The following RYR2 variants were observed in gnomAD, a reference collection of about 807,000 sequenced individuals.
RYR2 encodes cardiac muscle ryanodine receptor-calcium release channel.
Under a neutral mutation model 601.1 loss-of-function variants are expected in RYR2, and 227 were observed. The ratio of observed to expected loss-of-function variants is 0.38; its 90% CI spans 0.34 to 0.42. The LOEUF (loss-of-function observed/expected upper bound fraction) is 0.42, where lower values mean the gene tolerates loss of function less well. Ranked by LOEUF, RYR2 falls within the 10% of genes least tolerant of loss-of-function variation. RYR2 has a pLI of 1.00. For synonymous variants in RYR2, 2,223 were observed against 2,175.1 expected, an observed-to-expected ratio of 1.02 and a Z score of -0.61; for missense variants, 4,646 against 6,156.5, an observed-to-expected ratio of 0.75 and a Z score of 8.21.
At chr1:237,477,435 C>T (rs1404357292) in intron 17 of RYR2, among the ~76,000 whole-genome samples, 3 of 142,710 alleles carry the variant, frequency 2.1e-5, no homozygotes, top group Non-Finnish European at 4.4e-5. Flanking sequence ...ATGTGATTTG[C>T]ACTGCACATC....
intron 29 of RYR2, among the ~76,000 whole-genome samples, chr1:237,584,494 G>C (rs963942817): frequency 6.6e-6 from 1 of 152,050 alleles, no homozygotes; most frequent in East Asian, 1.9e-4. Flanking sequence ...TTTGTTCACA[G>C]CTATATTCCC....
rs2148089177 is a variant in RYR2 at position 237,548,427 on chromosome 1, G to A, written c.2907-4G>A. ...ACACAAATTTCTTTGTCTCTGATTT[G>A]TAGTTACCAGCTGACAAGTGGATAC... On this transcript the variant is annotated splice_region_variant and splice_polypyrimidine_tract_variant and intron_variant, in intron 25 of 104. Transcript: ENST00000366574. The A allele has an allele frequency of 1.2e-6, 2 of 1,613,138 alleles. No individual in the cohort carries two copies. Among genetic ancestry groups the A allele is most frequent in the Non-Finnish European group, 1.7e-6 (2 of 1,179,584 alleles).
At chr1:237,811,853 C>G (rs1310222179) in intron 100 of RYR2, among the ~76,000 whole-genome samples, 1 of 152,156 alleles carries the variant, frequency 6.6e-6, no homozygotes, top group East Asian at 1.9e-4. Flanking sequence ...TTTCCACGTG[C>G]TAGTGACCTA....
At chr1:237,691,233 G>A (rs917049501) in intron 63 of RYR2, among the ~76,000 whole-genome samples, 2 of 152,060 alleles carry the variant, frequency 1.3e-5, no homozygotes, top group African/African-American at 4.8e-5. Flanking sequence ...TGAAAGTTGA[G>A]GTTGACAAGA....
intron 1 of RYR2, among the ~76,000 whole-genome samples, chr1:237,223,079 CA>C (rs1235554511): frequency 6.6e-6 from 1 of 152,148 alleles, no homozygotes; most frequent in African/African-American, 2.4e-5. Flanking sequence ...CAAAACAAAA[CA>C]AAACAACAAC....
chr1:237,478,259 G>C (rs1473372233), intron 17 of RYR2, among the ~76,000 whole-genome samples: 1 of 152,112 alleles, frequency 6.6e-6, no homozygotes, highest in Non-Finnish European at 1.5e-5. Flanking sequence ...TTTAGAGTTG[G>C]ACTGGCCTAA....
intron 1 of RYR2, among the ~76,000 whole-genome samples, chr1:237,135,495 G>A (rs1190256293): frequency 6.6e-6 from 1 of 150,516 alleles, no homozygotes; most frequent in Non-Finnish European, 1.5e-5. Context: ...TCAGCCTCCT[G>A]AGTAGCTGGG....
At chr1:237,380,480 C>T (rs1424979167) in intron 8 of RYR2, among the ~76,000 whole-genome samples, 2 of 139,936 alleles carry the variant, frequency 1.4e-5, no homozygotes, top group African/African-American at 5.4e-5. Flanking sequence ...TTTAGAAACC[C>T]TCAGTTCCTT....
intron 1 of RYR2, among the ~76,000 whole-genome samples, chr1:237,231,784 A>T (rs1685027177): frequency 6.6e-6 from 1 of 152,176 alleles, no homozygotes; most frequent in Non-Finnish European, 1.5e-5. Context: ...CTAAGCAAGT[A>T]GCAAGCCTTT....
intron 2 of RYR2, among the ~76,000 whole-genome samples, chr1:237,285,475 C>T (rs1572474782): frequency 6.6e-6 from 1 of 152,190 alleles, no homozygotes; most frequent in South Asian, 2.1e-4. Context: ...GGATATCAGT[C>T]TGTAGTTTTC....
chr1:237,691,081 C>T (rs1481730251), intron 63 of RYR2, among the ~76,000 whole-genome samples: 5 of 152,120 alleles, frequency 3.3e-5, no homozygotes, highest in Non-Finnish European at 7.3e-5. Context: ...GGATTACAAG[C>T]GTGAGCCACC....
chr1:237,478,991 G>A (rs1661725193), intron 17 of RYR2, among the ~76,000 whole-genome samples: 1 of 152,252 alleles, frequency 6.6e-6, no homozygotes, highest in African/African-American at 2.4e-5. Flanking sequence ...TAGAATTTCA[G>A]TGAAAGTGAA....
chr1:237,327,959 C>G (rs147509472), intron 2 of RYR2, among the ~76,000 whole-genome samples: 1 of 152,274 alleles, frequency 6.6e-6, no homozygotes, highest in East Asian at 1.9e-4. Flanking sequence ...TATGCTGATT[C>G]TAAAGCAATT....
chr1:237,705,063 G>C, intron 66 of RYR2, 150 bp from the exon 67 acceptor site: 1 of 648,516 alleles, frequency 1.5e-6, no homozygotes, highest in South Asian at 2.1e-5. Context: ...GAAAGCATAT[G>C]ATGTTTAGCA....
intron 1 of RYR2, among the ~76,000 whole-genome samples, chr1:237,108,562 A>G (rs903624229): frequency 6.6e-6 from 1 of 152,230 alleles, no homozygotes; most frequent in Non-Finnish European, 1.5e-5. Flanking sequence ...TGCGCTGAGC[A>G]GAGCTCTGGG....
intron 2 of RYR2, among the ~76,000 whole-genome samples, chr1:237,314,538 A>G (rs1694920722): frequency 6.6e-6 from 1 of 152,242 alleles, no homozygotes; most frequent in Non-Finnish European, 1.5e-5. Context: ...CTGAATTTGT[A>G]TATGCTATGA....
At chr1:237,769,739 CTT>C (rs370357517) in intron 84 of RYR2, among the ~76,000 whole-genome samples, 12 of 125,136 alleles carry the variant, frequency 9.6e-5, no homozygotes, top group African/African-American at 8.8e-5. Context: ...GTAAAAAGTT[CTT>C]TTTTTTTTTT....
At chr1:237,237,988 A>T (rs1253616711) in intron 1 of RYR2, among the ~76,000 whole-genome samples, 1 of 8,164 alleles carries the variant, frequency 1.2e-4, no homozygotes, top group African/African-American at 1.6e-4. Context: ...TTTCCTTTCC[A>T]ACAGGGTTTT....
chr1:237,448,001 C>T (rs561031277), intron 14 of RYR2, among the ~76,000 whole-genome samples: 1 of 151,450 alleles, frequency 6.6e-6, no homozygotes, highest in East Asian at 1.9e-4. Context: ...TATCTCTGCT[C>T]ACTGCAACCT....
Sources: gnomAD v4.1 joint callset for allele counts (sites outside exome capture counted in the v4.1 genomes callset) on GRCh38, gnomAD v4.1.1 for gene constraint, MANE v1.5 for transcripts, NCBI Gene and HGNC (gene_info 2026-07-23, HGNC 2026-07-21) for gene names.